HGSNAT: variants seen among roughly 807,000 people sequenced by gnomAD.
HGSNAT encodes transmembrane protein 76.
HGSNAT carries 59 observed loss-of-function variants against 85.2 expected under a neutral mutation model. The observed-to-expected ratio is 0.69, with a 90% CI of 0.56 to 0.86. HGSNAT has a LOEUF of 0.86. Among genes scored for constraint, HGSNAT ranks in the 40% least tolerant of loss-of-function variants. HGSNAT has a pLI of 0.00. For missense variants in HGSNAT, 756 were observed against 777.1 expected (o/e 0.97, Z 0.32); for synonymous variants, 321 against 304.5 (o/e 1.05, Z -0.56).
chr8:43,141,288 AGCCGCCGCCGCC>A (rs545919735), intron 1 of HGSNAT, among the ~76,000 whole-genome samples: 7 of 151,726 alleles, frequency 4.6e-5, no homozygotes, highest in Non-Finnish European at 1.0e-4. Context: ...GTGACTGGGA[AGCCGCCGCCGCC>A]GCCGCCGCCG....
chr8:43,178,922 T>C (rs1248861350), intron 10 of HGSNAT, among the ~76,000 whole-genome samples: 1 of 147,546 alleles, frequency 6.8e-6, no homozygotes, highest in Non-Finnish European at 1.5e-5. Flanking sequence ...GAGCACAGGG[T>C]TGGGGATAAG....
chr8:43,142,283 T>C (rs1802576590), intron 1 of HGSNAT, among the ~76,000 whole-genome samples: 1 of 152,024 alleles, frequency 6.6e-6, no homozygotes, highest in Admixed American at 6.6e-5. Context: ...AAGGAAATAA[T>C]TGTTCTTTTG....
chr8:43,192,544 C>T lies in HGSNAT; in HGVS notation c.1377+114C>T, dbSNP rs1409123885. The T allele has an allele frequency of 1.3e-5, 15 of 1,150,060 alleles. No individual in the cohort carries two copies. The South Asian group carries it at 2.5e-4, about 19-fold the overall frequency. 71.2% of individuals were successfully genotyped at this position (1,150,060 alleles called of 1,614,324 possible). A position where few individuals can be genotyped will look rare whatever the true frequency, so the allele number is the denominator to read the frequency against. ...CCCATTTAAGAAAACACACTGAGAA[C>T]TGATGATTATTTGAAAAGTCAGCTA... On this transcript the variant is annotated intron_variant, in intron 13 of 17. Transcript: ENST00000379644.
At chr8:43,150,199 C>T (rs796731737) in intron 2 of HGSNAT, among the ~76,000 whole-genome samples, 4 of 152,042 alleles carry the variant, frequency 2.6e-5, no homozygotes, top group Non-Finnish European at 4.4e-5. Context: ...GTGATCCGCC[C>T]GCCTCAGCCT....
intron 2 of HGSNAT, among the ~76,000 whole-genome samples, chr8:43,158,340 C>A (rs543606812): frequency 1.3e-5 from 2 of 152,152 alleles, no homozygotes; most frequent in South Asian, 2.1e-4. Context: ...CCTCCTGATC[C>A]GCCTGCCTTG....
chr8:43,199,427 T>C lies in HGSNAT; in HGVS notation c.1766T>C (p.Phe589Ser). ...CTGGTATATGTCGGCCACGAGGTGT[T>C]TGAGAACTACTTCCCCTTTCAGTGG... ...SILVYVGHEV[F>S]ENYFPFQWKL... The change falls in exon 18 of 18, where the codon TTT becomes TCT. Residue 589 changes from phenylalanine (F) to serine (S), a missense_variant. Transcript: ENST00000379644. 6.2e-7 allele frequency: 1 copy of C among 1,609,440 alleles called. No homozygotes were observed. The highest frequency in any genetic ancestry group is 8.5e-7 in the Non-Finnish European group (1 of 1,177,754).
chr8:43,173,556 C>T (rs1020167627), intron 8 of HGSNAT, among the ~76,000 whole-genome samples, 157 bp from the exon 9 acceptor site: 6 of 152,070 alleles, frequency 3.9e-5, no homozygotes, highest in South Asian at 2.1e-4. Flanking sequence ...GTGATCTGCT[C>T]GCCTCGGCCC....
chr8:43,164,232 T>C (rs1803359081), intron 5 of HGSNAT, among the ~76,000 whole-genome samples: 1 of 152,228 alleles, frequency 6.6e-6, no homozygotes, highest in Admixed American at 6.5e-5. Flanking sequence ...AGATTGGCCA[T>C]GTGTCGACAC....
At chr8:43,190,717 C>T (rs1172106365) in intron 11 of HGSNAT, among the ~76,000 whole-genome samples, 2 of 152,146 alleles carry the variant, frequency 1.3e-5, no homozygotes, top group Admixed American at 6.5e-5. Context: ...CGTTAGTTTA[C>T]TTATTTTATT....
chr8:43,184,523 A>C (rs910018820), intron 11 of HGSNAT, among the ~76,000 whole-genome samples: 1 of 152,108 alleles, frequency 6.6e-6, no homozygotes, highest in East Asian at 1.9e-4. Context: ...TTCTTTGTAG[A>C]TTCTGGATAT....
At chr8:43,143,566 C>T (rs1433707170) in intron 1 of HGSNAT, among the ~76,000 whole-genome samples, 1 of 150,148 alleles carries the variant, frequency 6.7e-6, no homozygotes, top group Non-Finnish European at 1.5e-5. Flanking sequence ...GAGACAGAGT[C>T]TCGCTCTGTC....
At chr8:43,178,049 C>T (rs1200887342) in intron 9 of HGSNAT, 25 bp from the exon 10 acceptor site, 1 of 1,606,302 alleles carries the variant, frequency 6.2e-7, no homozygotes, top group East Asian at 2.2e-5. Flanking sequence ...AAATGGCCAC[C>T]TATTAATAAC....
chr8:43,182,028 A>G, intron 10 of HGSNAT, 117 bp from the exon 11 acceptor site: 2 of 798,782 alleles, frequency 2.5e-6, no homozygotes, highest in South Asian at 3.1e-5. Flanking sequence ...AGAGCTTAAA[A>G]AAGACTTACT....
intron 11 of HGSNAT, among the ~76,000 whole-genome samples, chr8:43,184,226 G>A (rs1186486019): frequency 1.3e-5 from 2 of 152,200 alleles, no homozygotes; most frequent in African/African-American, 4.8e-5. Flanking sequence ...CTTCCACAAT[G>A]GTTGAACTAG....
intron 2 of HGSNAT, among the ~76,000 whole-genome samples, chr8:43,150,143 C>G: frequency 6.6e-6 from 1 of 151,910 alleles, no homozygotes; most frequent in East Asian, 1.9e-4. Context: ...TTAGTAGAGA[C>G]AGGGTTTCAC....
chr8:43,192,056 G>A (rs796348208), intron 12 of HGSNAT, among the ~76,000 whole-genome samples: 60 of 152,258 alleles, frequency 3.9e-4, no homozygotes, highest in African/African-American at 1.4e-3. Context: ...AGCCTCCTGA[G>A]TAGCTGGGAT....
At chr8:43,148,530 G>A (rs944796026) in intron 2 of HGSNAT, among the ~76,000 whole-genome samples, 1 of 151,764 alleles carries the variant, frequency 6.6e-6, no homozygotes, top group Non-Finnish European at 1.5e-5. Flanking sequence ...GCTCACACCT[G>A]TAATCCCAGC....
intron 11 of HGSNAT, among the ~76,000 whole-genome samples, chr8:43,189,236 A>C (rs1307189291): frequency 6.6e-6 from 1 of 152,172 alleles, no homozygotes; most frequent in African/African-American, 2.4e-5. Flanking sequence ...CCAGAGGTGG[A>C]GTCTACAGAG....
At chr8:43,194,632 C>A in intron 14 of HGSNAT, 1 of 490,062 alleles carries the variant, frequency 2.0e-6, no homozygotes, top group Non-Finnish European at 2.7e-6. Context: ...TTGATTGGGG[C>A]ATGTCCTTCA....
Sources: gnomAD v4.1 joint callset for allele counts (sites outside exome capture counted in the v4.1 genomes callset) on GRCh38, gnomAD v4.1.1 for gene constraint, MANE v1.5 for transcripts, NCBI Gene and HGNC (gene_info 2026-07-23, HGNC 2026-07-21) for gene names.